MICAL3: variants seen among roughly 807,000 people sequenced by gnomAD.
MICAL3 encodes the protein microtubule associated monooxygenase, calponin and LIM domain containing 3.
Under a neutral mutation model 207.4 loss-of-function variants are expected in MICAL3, and 62 were observed. The observed-to-expected ratio is 0.30, with a 90% CI of 0.24 to 0.37. The LOEUF (loss-of-function observed/expected upper bound fraction) is 0.37, where lower values mean the gene tolerates loss of function less well. MICAL3 is among the 10% of genes least tolerant of loss of function. The probability of loss-of-function intolerance (pLI) is 1.00; values close to 1 mark genes in which losing one functional copy is unlikely to be tolerated. For missense variants in MICAL3, 2,368 were observed against 2,635.6 expected (o/e 0.90, Z 2.22); for synonymous variants, 1,077 against 1,069.3 (o/e 1.01, Z -0.14).
chr22:18,001,967 G>A (rs969729496), intron 1 of MICAL3, among the ~76,000 whole-genome samples: 2 of 151,308 alleles, frequency 1.3e-5, no homozygotes, highest in African/African-American at 2.4e-5. Flanking sequence ...GGGAGCCGAG[G>A]CATGCGGATC....
intron 16 of MICAL3, among the ~76,000 whole-genome samples, chr22:17,880,183 G>C (rs544099431): frequency 6.6e-6 from 1 of 152,176 alleles, no homozygotes; most frequent in Non-Finnish European, 1.5e-5. Flanking sequence ...CGTAGCCCCG[G>C]TCCCACAAGC....
intron 22 of MICAL3, chr22:17,826,354 G>C (rs1922190728): frequency 3.1e-6 from 2 of 638,702 alleles, no homozygotes; most frequent in Non-Finnish European, 2.0e-6. Context: ...GCCCTGGCAT[G>C]CACTTGCAAC....
At chr22:17,819,942 CAAA>C (rs58418733) in intron 25 of MICAL3, among the ~76,000 whole-genome samples, 1 of 67,648 alleles carries the variant, frequency 1.5e-5, no homozygotes, top group African/African-American at 5.7e-5. Flanking sequence ...GACTCCATCT[CAAA>C]AAAAAAAAAA....
chr22:17,900,255 G>A lies in MICAL3; in HGVS notation c.847+587C>T, dbSNP rs918677440. Among the ~76,000 whole-genome samples, 16 of 152,162 alleles carry A rather than the reference G, an allele frequency of 1.1e-4. No homozygotes were observed. Among genetic ancestry groups the A allele is most frequent in the Non-Finnish European group, 2.9e-5 (2 of 68,042 alleles). On this transcript the variant is annotated intron_variant, in intron 6 of 31. Coordinates refer to ENST00000441493, the MANE Select transcript of MICAL3 (RefSeq NM_015241.3). The surrounding 1 kb of genome is among the most constrained non-coding windows in gnomAD (Gnocchi z 4.0). ...GCATGCCTCAGCATCACAGCACAGG[G>A]CAGGCATTGGGAAGAACTAGTGGAG... is the stretch of plus-strand genomic sequence containing the variant.
intron 11 of MICAL3, 36 bp from the exon 12 acceptor site, chr22:17,891,668 G>A: frequency 2.5e-6 from 4 of 1,603,614 alleles, no homozygotes; most frequent in Non-Finnish European, 3.4e-6. Flanking sequence ...TGGAGGTGTG[G>A]TCACCTGGTA....
At chr22:17,819,935 TC>T in intron 25 of MICAL3, among the ~76,000 whole-genome samples, 1 of 98,854 alleles carries the variant, frequency 1.0e-5, no homozygotes, top group Non-Finnish European at 1.8e-5. Context: ...AGTGAGAGAC[TC>T]CATCTCAAAA....
chr22:17,986,444 C>T (rs1175438910), intron 1 of MICAL3, among the ~76,000 whole-genome samples: 1 of 151,990 alleles, frequency 6.6e-6, no homozygotes, highest in African/African-American at 2.4e-5. Flanking sequence ...CGCTTAAACC[C>T]GGGAGGCAGA....
chr22:17,860,856 G>A (rs951016891), intron 19 of MICAL3: 3 of 985,336 alleles, frequency 3.0e-6, no homozygotes, highest in Admixed American at 6.1e-5. Context: ...CGGCTCCCCA[G>A]TGTGAGGCTC....
intron 20 of MICAL3, chr22:17,834,296 G>A: frequency 8.8e-7 from 1 of 1,131,748 alleles, no homozygotes. Context: ...AGAATATACT[G>A]CAAGGAGCTC....
intron 25 of MICAL3, among the ~76,000 whole-genome samples, chr22:17,820,925 A>C (rs1414449282): frequency 7.1e-6 from 1 of 141,712 alleles, no homozygotes; most frequent in African/African-American, 2.7e-5. Flanking sequence ...TATAAACATA[A>C]ATTTTAATAA....
chr22:17,982,378 A>C (rs1045876534), intron 1 of MICAL3, among the ~76,000 whole-genome samples: 1 of 152,260 alleles, frequency 6.6e-6, no homozygotes, highest in African/African-American at 2.4e-5. Context: ...ATACGCTGAA[A>C]TATAAAATGT....
rs377144688 is a variant in MICAL3, at chr22:18,000,033, G to A, written c.-75+24248C>T. 3.9e-5 allele frequency among the ~76,000 whole-genome samples: 6 copies of A among 152,190 alleles called. 1 individual carries two copies. The East Asian group carries it at 7.7e-4, about 20-fold the overall frequency. The stretch of plus-strand genomic sequence containing the variant: ...AGGTAACCACAATGAACTGGCCTGT[G>A]TGCGGCCAGGTAACCAGAAGGCGGG... On this transcript the variant is annotated intron_variant, in intron 1 of 31. Transcript: ENST00000441493.
intron 1 of MICAL3, among the ~76,000 whole-genome samples, chr22:17,951,467 C>CA (rs1044120883): frequency 1.4e-4 from 22 of 151,872 alleles, no homozygotes; most frequent in Admixed American, 1.2e-3. Context: ...ACGCATGACA[C>CA]ACTCTGCTGC....
intron 7 of MICAL3, among the ~76,000 whole-genome samples, chr22:17,898,312 A>C (rs943367754): frequency 6.6e-6 from 1 of 152,238 alleles, no homozygotes; most frequent in African/African-American, 2.4e-5. Flanking sequence ...TTAGCAAGGC[A>C]ATTTTAGAAA....
intron 16 of MICAL3, chr22:17,884,402 AC>A: frequency 7.0e-7 from 1 of 1,432,024 alleles, no homozygotes; most frequent in Non-Finnish European, 9.5e-7. Context: ...GGACATGGAG[AC>A]AAAACAAAAT....
chr22:17,937,079 C>T, intron 1 of MICAL3, among the ~76,000 whole-genome samples: 1 of 152,190 alleles, frequency 6.6e-6, no homozygotes, highest in East Asian at 1.9e-4. Context: ...AAGGCTGATG[C>T]TGATGTCTCT....
In MICAL3 at chr22:17,927,087, C is replaced by T. The variant is rs558615793; in HGVS notation, c.-74-20201G>A. ...CTCTGTACCCATTAAACACTGGCTC[C>T]CCATTTCCCCTTCCTCAGCCCATGG... On this transcript the variant is annotated intron_variant, in intron 1 of 31. Transcript: ENST00000441493. Among the ~76,000 whole-genome samples the T allele has an allele frequency of 3.3e-4, 51 of 152,290 alleles. 1 individual carries two copies. In the South Asian group the frequency reaches 9.7e-3, roughly 29 times the overall value.
rs548633479 is a variant in MICAL3, at chr22:18,023,462, G to T, written c.-75+819C>A. Among the ~76,000 whole-genome samples, 69 of 152,302 alleles carry T rather than the reference G, an allele frequency of 4.5e-4. 1 individual carries two copies. Among genetic ancestry groups the T allele is most frequent in the South Asian group, 1.4e-3 (7 of 4,830 alleles). ...TTTACAATGAAAATTCTAAATAGTT[G>T]ATCACAGTGCCAGACCAATAAGAAA... On this transcript the variant is annotated intron_variant, in intron 1 of 31. Transcript: ENST00000441493.
chr22:17,974,854 C>T (rs908977817), intron 1 of MICAL3, among the ~76,000 whole-genome samples: 2 of 152,044 alleles, frequency 1.3e-5, no homozygotes, highest in Admixed American at 6.6e-5. Context: ...GAACTTTACA[C>T]ACTAGAGTTC....
Sources: allele counts gnomAD v4.1 joint callset (sites outside exome capture counted in the v4.1 genomes callset), GRCh38; gene constraint gnomAD v4.1.1; non-coding constraint Gnocchi (gnomAD v3.1); transcripts MANE v1.5; gene names NCBI Gene and HGNC (gene_info 2026-07-23, HGNC 2026-07-21).